The following TSHR variants were observed in gnomAD, a reference collection of about 807,000 sequenced individuals.
TSHR encodes the protein thyroid stimulating hormone receptor.
A neutral mutation model predicts 64.1 loss-of-function variants in TSHR; 51 were observed. The ratio of observed to expected loss-of-function variants is 0.80; its 90% CI spans 0.64 to 1.01. TSHR has a LOEUF of 1.01. Ranked by LOEUF, TSHR falls within the 50% of genes least tolerant of loss-of-function variation. The pLI, the probability that TSHR is intolerant of heterozygous loss-of-function variation, is 0.00. For missense variants in TSHR, 877 were observed against 942.8 expected (o/e 0.93, Z 0.91); for synonymous variants, 361 against 361.9 (o/e 1.00, Z 0.03).
rs1378766721 is a variant in TSHR at position 81,143,372 on chromosome 14, TCTC to T, written c.1318_1320del (p.Leu440del). On this transcript the variant is annotated inframe_deletion, in exon 10 of 10. Transcript: ENST00000298171. ...TGGGCAATGTCTTTGTCCTGCTTAT[TCTC>T]CTCACCAGCCACTACAAACTGAACG... is the stretch of plus-strand genomic sequence containing the variant. 6.2e-7 allele frequency: 1 copy of T among 1,614,008 alleles called. No individual in the cohort carries two copies. The highest frequency in any genetic ancestry group is 8.5e-7 in the Non-Finnish European group (1 of 1,180,030).
At chr14:81,104,848 G>A (rs1016350035) in intron 7 of TSHR, 3 of 985,204 alleles carry the variant, frequency 3.0e-6, no homozygotes, top group African/African-American at 3.5e-5. Context: ...TCTTCCAACA[G>A]GTTCTCAAAG....
intron 1 of TSHR, among the ~76,000 whole-genome samples, chr14:81,044,852 C>A (rs1002784777): frequency 6.6e-5 from 10 of 152,208 alleles, no homozygotes; most frequent in African/African-American, 2.4e-4. Flanking sequence ...GATTCCTCAA[C>A]AATGTAGAGG....
intron 4 of TSHR, among the ~76,000 whole-genome samples, chr14:81,090,033 G>A (rs1482263355): frequency 6.6e-6 from 1 of 151,014 alleles, no homozygotes; most frequent in Non-Finnish European, 1.5e-5. Context: ...CTCACTCTAT[G>A]CTATGCCAAA....
intron 1 of TSHR, among the ~76,000 whole-genome samples, chr14:81,047,664 C>CTTTTTT (rs11462189): frequency 1.5e-5 from 2 of 135,502 alleles, no homozygotes; most frequent in Non-Finnish European, 1.6e-5. Flanking sequence ...TTCATTGGCT[C>CTTTTTT]TTTTTTTTTT....
chr14:81,013,005 A>C (rs2139780444), intron 1 of TSHR: 1 of 152,256 alleles, frequency 6.6e-6, no homozygotes, highest in Admixed American at 6.5e-5. Context: ...TTTAGACATG[A>C]AGTCCTTGCC....
At chr14:80,966,940 G>A (rs1270451960) in intron 1 of TSHR, among the ~76,000 whole-genome samples, 6 of 151,966 alleles carry the variant, frequency 3.9e-5, no homozygotes, top group Admixed American at 3.9e-4. Context: ...TATTATAAGG[G>A]CACTAATTTT....
rs774857506 is a variant in TSHR at position 81,091,130 on chromosome 14, ATATTCTT to A, written c.458_464del (p.Phe153TyrfsTer10). The stretch of plus-strand genomic sequence containing the variant: ...CCTGACCAAAGTTTATTCCACTGAT[ATATTCTT>A]TATACTGTAAGTATGCACACATGCC... On this transcript the variant is annotated frameshift_variant, in exon 5 of 10. Transcript: ENST00000298171. LOFTEE classifies it high-confidence loss of function. 1 of 1,611,906 alleles carries A rather than the reference ATATTCTT, an allele frequency of 6.2e-7. No homozygotes were observed. Among genetic ancestry groups the A allele is most frequent in the Non-Finnish European group, 8.5e-7 (1 of 1,179,610 alleles).
At chr14:81,007,151 G>A (rs973710856) in intron 1 of TSHR, among the ~76,000 whole-genome samples, 11 of 152,154 alleles carry the variant, frequency 7.2e-5, no homozygotes, top group Non-Finnish European at 1.3e-4. Context: ...GGTCTTTGGA[G>A]GGAATTAGAT....
chr14:81,104,081 G>A (rs1295991693), intron 7 of TSHR: 7 of 985,308 alleles, frequency 7.1e-6, no homozygotes, highest in Non-Finnish European at 8.4e-6. Context: ...CATGGGGTAA[G>A]TATTTGAACA....
At chr14:81,116,251 T>G (rs1890503205) in intron 8 of TSHR, among the ~76,000 whole-genome samples, 1 of 139,960 alleles carries the variant, frequency 7.1e-6, no homozygotes, top group South Asian at 2.6e-4. Context: ...GGATAAAGAG[T>G]CAAGACCCAT....
chr14:81,122,387 C>G (rs757605759), intron 8 of TSHR, among the ~76,000 whole-genome samples: 2 of 150,766 alleles, frequency 1.3e-5, no homozygotes, highest in Non-Finnish European at 3.0e-5. Flanking sequence ...GAAAACTTAG[C>G]AAGAGGTTTG....
intron 5 of TSHR, 98 bp from the exon 6 acceptor site, chr14:81,092,433 T>C: frequency 2.8e-6 from 3 of 1,069,394 alleles, no homozygotes; most frequent in Non-Finnish European, 4.4e-6. Context: ...GATTAAGCTA[T>C]ATTGTGTCCT....
intron 1 of TSHR, among the ~76,000 whole-genome samples, chr14:80,972,339 C>T (rs1003053521): frequency 6.6e-6 from 1 of 152,048 alleles, no homozygotes; most frequent in African/African-American, 2.4e-5. Flanking sequence ...TATGCCCAGA[C>T]CCATACTATA....
chr14:80,985,148 G>A (rs1462397111), intron 1 of TSHR, among the ~76,000 whole-genome samples: 1 of 152,202 alleles, frequency 6.6e-6, no homozygotes, highest in Non-Finnish European at 1.5e-5. Flanking sequence ...TACTCAGGAG[G>A]CTGAGGCAGG....
chr14:81,112,676 A>G (rs1015405814), intron 8 of TSHR, among the ~76,000 whole-genome samples: 1 of 152,204 alleles, frequency 6.6e-6, no homozygotes, highest in African/African-American at 2.4e-5. Flanking sequence ...TTCACTGGGA[A>G]CTACCAGTAG....
In TSHR at chr14:81,145,992, CAGCCAT is replaced by C. The variant is rs1891914285; in HGVS notation, c.*1641_*1646del. On this transcript the variant is annotated 3_prime_UTR_variant, in exon 10 of 10. Transcript: ENST00000298171. ...GCTGGACTCACCTGGAATCTCTCCA[CAGCCAT>C]ACCCACTCATCACTATCATTGAGAC... 4.3e-6 allele frequency: 1 copy of C among 231,936 alleles called. No homozygotes were observed. The highest frequency in any genetic ancestry group is 2.2e-5 in the African/African-American group (1 of 45,298). The allele number at this position is 231,936 out of a possible 1,614,324, so 14.4% of individuals were successfully genotyped here. A position where few individuals can be genotyped will look rare whatever the true frequency, so the allele number is the denominator to read the frequency against.
chr14:81,105,512 G>A (rs920828486), intron 7 of TSHR, among the ~76,000 whole-genome samples: 1 of 152,170 alleles, frequency 6.6e-6, no homozygotes, highest in African/African-American at 2.4e-5. Context: ...TGAAGTGTCA[G>A]TTCATCTCCG....
intron 4 of TSHR, among the ~76,000 whole-genome samples, chr14:81,090,619 A>G (rs946104124): frequency 6.6e-6 from 1 of 152,154 alleles, no homozygotes; most frequent in African/African-American, 2.4e-5. Flanking sequence ...TTCTTGGCAA[A>G]ATAACAGCAT....
chr14:81,050,437 C>G (rs995807246), intron 1 of TSHR: 1 of 152,138 alleles, frequency 6.6e-6, no homozygotes, highest in African/African-American at 2.4e-5. Flanking sequence ...CTAAAATAGT[C>G]TGCTGAGAAG....
Sources: gnomAD v4.1 joint callset for allele counts (sites outside exome capture counted in the v4.1 genomes callset) on GRCh38, gnomAD v4.1.1 for gene constraint, MANE v1.5 for transcripts, NCBI Gene and HGNC (gene_info 2026-07-23, HGNC 2026-07-21) for gene names.